The following TBCD variants were observed in gnomAD, a reference collection of about 807,000 sequenced individuals.
The protein encoded by TBCD is tubulin folding cofactor D, also known as tubulin-specific chaperone D.
Under a neutral mutation model 169.3 loss-of-function variants are expected in TBCD, and 105 were observed. The observed-to-expected ratio is 0.62, with a 90% CI of 0.53 to 0.73. The LOEUF (loss-of-function observed/expected upper bound fraction) is 0.73. Ranked by LOEUF, TBCD falls within the 30% of genes least tolerant of loss-of-function variation. The pLI, the probability that TBCD is intolerant of heterozygous loss-of-function variation, is 0.00. For missense variants in TBCD, 1,444 were observed against 1,600.1 expected (o/e 0.90, Z 1.66); for synonymous variants, 700 against 643.9 (o/e 1.09, Z -1.32).
intron 7 of TBCD, among the ~76,000 whole-genome samples, chr17:82,784,319 C>T (rs755753770): frequency 9.9e-5 from 15 of 152,170 alleles, no homozygotes; most frequent in South Asian, 2.1e-4. Context: ...CATTTTTGGG[C>T]ATTGCAGGTA....
intron 24 of TBCD, 107 bp from the exon 25 acceptor site, chr17:82,921,394 G>A: frequency 1.1e-6 from 1 of 909,550 alleles, no homozygotes; most frequent in South Asian, 1.4e-5. Context: ...CCTCTCAAAG[G>A]TTACCATCGA....
At position 82,806,071 on chromosome 17, in the gene TBCD, A is replaced by G; in HGVS notation, c.1087+60A>G. 1.3e-6 allele frequency: 2 copies of G among 1,582,808 alleles called. No individual in the cohort carries two copies. Among genetic ancestry groups the G allele is most frequent in the Admixed American group, 1.7e-5 (1 of 57,890 alleles). ...GGCACCGTCGGGCCAATTCCCCTCT[A>G]CTCCAGGACCACACTTCCTTCTTCC... On this transcript the variant is annotated intron_variant, in intron 10 of 38. Transcript: ENST00000355528. This position sits in a 1 kb window ranked among gnomAD's most constrained non-coding sequence, Gnocchi z 5.1.
At chr17:82,840,954 G>GTTTTTT (rs1295995328) in intron 13 of TBCD, among the ~76,000 whole-genome samples, 44 of 44,296 alleles carry the variant, frequency 9.9e-4, no homozygotes, top group Non-Finnish European at 1.6e-3. Flanking sequence ...AGACAAACTG[G>GTTTTTT]TTTTTTTTTT....
chr17:82,851,935 C>T (rs768205493), intron 13 of TBCD, among the ~76,000 whole-genome samples: 4 of 152,150 alleles, frequency 2.6e-5, no homozygotes, highest in South Asian at 2.1e-4. Context: ...ACTGCTTCAG[C>T]GCATCTGCTT....
intron 6 of TBCD, among the ~76,000 whole-genome samples, chr17:82,774,054 T>TTA (rs1555677929): frequency 1.3e-5 from 2 of 150,484 alleles, no homozygotes; most frequent in Admixed American, 6.6e-5. Flanking sequence ...TTTTTTTTTT[T>TTA]AATTTTTTTA....
chr17:82,837,713 C>T (rs185945982), intron 13 of TBCD, among the ~76,000 whole-genome samples: 148 of 152,318 alleles, frequency 9.7e-4, no homozygotes, highest in Middle Eastern at 6.8e-3. Context: ...GTGGACATGC[C>T]ACAGAGCTTC....
chr17:82,919,520 T>C (rs967345848), intron 23 of TBCD, among the ~76,000 whole-genome samples: 4 of 152,028 alleles, frequency 2.6e-5, no homozygotes, highest in Non-Finnish European at 5.9e-5. Flanking sequence ...AAGGATCCAG[T>C]ATGAAATGGG....
chr17:82,762,481 G>C (rs1438910825), intron 2 of TBCD, among the ~76,000 whole-genome samples: 1 of 152,068 alleles, frequency 6.6e-6, no homozygotes, highest in Non-Finnish European at 1.5e-5. Context: ...AGGCGCGGTG[G>C]CTCCTACCTG....
In TBCD at chr17:82,945,896, CTG is replaced by C. The variant is rs2063667912; in HGVS notation, c.*3436_*3437del. 1 of 152,210 alleles carries C rather than the reference CTG, an allele frequency of 6.6e-6. No homozygotes were observed. The highest frequency in any genetic ancestry group is 1.5e-5 in the Non-Finnish European group (1 of 68,042). 9.4% of individuals were successfully genotyped at this position (152,210 alleles called of 1,614,324 possible). ...AATGTGGAGCAAGGGAAGCAATAAACTGTGACCATAAAAACATAGAAAGATGG... is the reference window on the plus strand; with the variant it reads ...AATGTGGAGCAAGGGAAGCAATAAACTGACCATAAAAACATAGAAAGATGG... On this transcript the variant is annotated 3_prime_UTR_variant, in exon 39 of 39. Transcript: ENST00000355528.
intron 38 of TBCD, 175 bp downstream of exon 38, chr17:82,941,658 C>T: frequency 1.6e-6 from 1 of 628,108 alleles, no homozygotes; most frequent in Admixed American, 3.0e-5. Flanking sequence ...CTGGCCACTG[C>T]CCACACCTGT....
chr17:82,899,177 C>A (rs2059702471), intron 17 of TBCD, among the ~76,000 whole-genome samples: 1 of 145,746 alleles, frequency 6.9e-6, no homozygotes. Context: ...TGCGCGCGTC[C>A]TCGGCTCGTG....
intron 13 of TBCD, among the ~76,000 whole-genome samples, chr17:82,861,348 ACG>A (rs2056748932): frequency 4.7e-5 from 4 of 84,754 alleles, no homozygotes; most frequent in Admixed American, 1.3e-4. Flanking sequence ...CCGCTGGTTC[ACG>A]TCAGCCGCTG....
chr17:82,936,192 C>G lies in TBCD; in HGVS notation c.3192-1079C>G, dbSNP rs2062609256. Among the ~76,000 whole-genome samples, 3 of 152,212 alleles carry G rather than the reference C, an allele frequency of 2.0e-5. No individual in the cohort carries two copies. In the South Asian group the frequency reaches 6.2e-4, roughly 32 times the overall value. On this transcript the variant is annotated intron_variant, in intron 34 of 38. Transcript: ENST00000355528. ...TGCAATTTTCACACGTCTTTTCCCT[C>G]TCTCTTTGCTTCATTACCTTTGGCC...
At chr17:82,875,295 C>T (rs894046418) in intron 14 of TBCD, among the ~76,000 whole-genome samples, 4 of 152,136 alleles carry the variant, frequency 2.6e-5, no homozygotes, top group African/African-American at 7.2e-5. Flanking sequence ...GAATGGATTT[C>T]CCTGAGAAGC....
chr17:82,895,791 C>T (rs1298256635), intron 17 of TBCD: 1 of 152,134 alleles, frequency 6.6e-6, no homozygotes, highest in Non-Finnish European at 1.5e-5. Flanking sequence ...GAAGCATCAG[C>T]CGTGCTGACA....
intron 13 of TBCD, among the ~76,000 whole-genome samples, chr17:82,866,173 C>T (rs2057155961): frequency 6.6e-6 from 1 of 152,106 alleles, no homozygotes; most frequent in African/African-American, 2.4e-5. Context: ...GCTTTGTGGT[C>T]GCCCAGGTGC....
chr17:82,760,233 T>C (rs2047682843), intron 2 of TBCD, among the ~76,000 whole-genome samples: 1 of 152,226 alleles, frequency 6.6e-6, no homozygotes, highest in Non-Finnish European at 1.5e-5. Flanking sequence ...TCTTATTTTC[T>C]TGATGGTTTT....
At chr17:82,828,513 G>A (rs80071983) in intron 13 of TBCD, among the ~76,000 whole-genome samples, 1,355 of 88,980 alleles carry the variant, frequency 0.015, 15 homozygotes, top group African/African-American at 0.052. Context: ...CACCCCCCCC[G>A]CAGATATGCA....
chr17:82,906,594 C>T (rs1286211781), intron 20 of TBCD, among the ~76,000 whole-genome samples: 6 of 152,254 alleles, frequency 3.9e-5, no homozygotes, highest in African/African-American at 9.6e-5. Flanking sequence ...TGTCGTCTTA[C>T]GTTTCTTCCC....
Sources: allele counts gnomAD v4.1 joint callset (sites outside exome capture counted in the v4.1 genomes callset), GRCh38; gene constraint gnomAD v4.1.1; non-coding constraint Gnocchi (gnomAD v3.1); transcripts MANE v1.5; gene names NCBI Gene and HGNC (gene_info 2026-07-23, HGNC 2026-07-21).